The following ZBTB20 variants were observed in gnomAD, a reference collection of about 807,000 sequenced individuals.
ZBTB20 encodes the protein zinc finger and BTB domain-containing protein 20.
A neutral mutation model predicts 56.9 loss-of-function variants in ZBTB20; 9 were observed. The observed-to-expected ratio is 0.16, with a 90% CI of 0.10 to 0.28. The LOEUF is 0.28. ZBTB20 is among the 10% of genes least tolerant of loss of function. The pLI is 1.00. For missense variants in ZBTB20, 655 were observed against 1,003.0 expected (o/e 0.65, Z 4.69); for synonymous variants, 417 against 420.7 (o/e 0.99, Z 0.11).
At chr3:114,727,509 C>T (rs1460381804) in intron 5 of ZBTB20, among the ~76,000 whole-genome samples, 2 of 152,224 alleles carry the variant, frequency 1.3e-5, no homozygotes, top group African/African-American at 4.8e-5. Flanking sequence ...CCTTCTGCTT[C>T]AAAATCTTTC....
chr3:114,558,768 T>C (rs1166318098), intron 6 of ZBTB20, among the ~76,000 whole-genome samples: 1 of 152,134 alleles, frequency 6.6e-6, no homozygotes, highest in Non-Finnish European at 1.5e-5. Context: ...AACTTCTCAC[T>C]CTACAGCCTA....
chr3:114,400,337 T>A, intron 7 of ZBTB20, among the ~76,000 whole-genome samples: 1 of 152,224 alleles, frequency 6.6e-6, no homozygotes, highest in East Asian at 1.9e-4. Context: ...TTTGCCTATC[T>A]TATAAAGTTG....
At chr3:114,833,877 T>C (rs987439885) in intron 4 of ZBTB20, among the ~76,000 whole-genome samples, 1 of 151,996 alleles carries the variant, frequency 6.6e-6, no homozygotes, top group Admixed American at 6.6e-5. Context: ...TGCAAAATTT[T>C]AAAAATAAGG....
chr3:114,741,003 T>C (rs903027171), intron 5 of ZBTB20, among the ~76,000 whole-genome samples: 5 of 152,126 alleles, frequency 3.3e-5, no homozygotes, highest in African/African-American at 7.2e-5. Context: ...ACTGGTATCT[T>C]TGAGGTGAGG....
chr3:114,787,654 T>G (rs1342449042), intron 5 of ZBTB20, among the ~76,000 whole-genome samples: 1 of 151,910 alleles, frequency 6.6e-6, no homozygotes. Context: ...GCTTGTTACA[T>G]AAATCTATAT....
intron 4 of ZBTB20, among the ~76,000 whole-genome samples, chr3:114,879,023 G>A (rs2076300759): frequency 6.6e-6 from 1 of 152,194 alleles, no homozygotes; most frequent in East Asian, 1.9e-4. Flanking sequence ...GTATCTGGGT[G>A]CTGCAAATGG....
At chr3:114,470,697 A>G (rs943251641) in intron 7 of ZBTB20, among the ~76,000 whole-genome samples, 1 of 152,290 alleles carries the variant, frequency 6.6e-6, no homozygotes, top group Non-Finnish European at 1.5e-5. Flanking sequence ...TTTAAGTGGT[A>G]GAATTTGCAT....
chr3:114,525,034 A>T (rs936674037), intron 6 of ZBTB20, among the ~76,000 whole-genome samples: 1 of 149,292 alleles, frequency 6.7e-6, no homozygotes, highest in African/African-American at 2.5e-5. Flanking sequence ...AATACTCTCT[A>T]CTCTCCCCCT....
chr3:114,928,147 C>T (rs989173067), intron 3 of ZBTB20, among the ~76,000 whole-genome samples: 7 of 152,202 alleles, frequency 4.6e-5, no homozygotes, highest in African/African-American at 1.7e-4. Context: ...AACTACATAA[C>T]TTTATCCCTT....
chr3:114,544,012 T>A lies in ZBTB20; in HGVS notation c.-294-43621A>T, dbSNP rs146510121. On this transcript the variant is annotated intron_variant, in intron 6 of 11. Coordinates refer to ENST00000675478, the MANE Select transcript of ZBTB20 (RefSeq NM_001348800.3). ...AGATGATTTATTCCACAACTATTCA[T>A]TGAGCACCTACTATTCTCTGGCACT... is the stretch of plus-strand genomic sequence containing the variant. Among the ~76,000 whole-genome samples the A allele has an allele frequency of 5.7e-3, 863 of 152,306 alleles. 4 individuals carry two copies. Among genetic ancestry groups the A allele is most frequent in the Non-Finnish European group, 9.9e-3 (674 of 68,024 alleles).
At chr3:114,877,600 C>T (rs2076246391) in intron 4 of ZBTB20, among the ~76,000 whole-genome samples, 1 of 152,114 alleles carries the variant, frequency 6.6e-6, no homozygotes, top group African/African-American at 2.4e-5. Context: ...GGAAAGAAGC[C>T]AATCCCTTAG....
rs2079457364 is a variant in ZBTB20, at chr3:114,336,482, T to C, written c.*2523A>G. The C allele has an allele frequency of 6.6e-6, 1 of 152,164 alleles. No homozygotes were observed. The highest frequency in any genetic ancestry group is 6.5e-5 in the Admixed American group (1 of 15,278). 9.4% of individuals were successfully genotyped at this position (152,164 alleles called of 1,614,324 possible). A position where few individuals can be genotyped will look rare whatever the true frequency, so the allele number is the denominator to read the frequency against. On this transcript the variant is annotated 3_prime_UTR_variant, in exon 12 of 12. Coordinates refer to ENST00000675478, the MANE Select transcript of ZBTB20 (RefSeq NM_001348800.3). ...GACTCCTCTTAGAAATCACAATAGG[T>C]TACACTTAATAGTCAGTTAACCACC...
intron 10 of ZBTB20, among the ~76,000 whole-genome samples, chr3:114,353,798 C>T (rs1030938983): frequency 3.3e-5 from 5 of 152,172 alleles, no homozygotes; most frequent in Non-Finnish European, 5.9e-5. Flanking sequence ...TTTAATCTTA[C>T]AGCAACCATG....
chr3:114,771,506 C>T (rs985802221), intron 5 of ZBTB20, among the ~76,000 whole-genome samples: 9 of 152,208 alleles, frequency 5.9e-5, no homozygotes, highest in African/African-American at 2.2e-4. Context: ...AAAAATTTTA[C>T]TTCCTGTTTT....
At chr3:114,586,534 TGAGAA>T (rs1425640685) in intron 6 of ZBTB20, among the ~76,000 whole-genome samples, 1 of 152,242 alleles carries the variant, frequency 6.6e-6, no homozygotes, top group Non-Finnish European at 1.5e-5. Flanking sequence ...CTTTAGCTGT[TGAGAA>T]GAGAATTTCC....
intron 8 of ZBTB20, among the ~76,000 whole-genome samples, chr3:114,384,100 TTC>T (rs57746371): frequency 0.33 from 45,883 of 139,102 alleles, 7,237 homozygotes; most frequent in Non-Finnish European, 0.35. Context: ...TCAGTTCTCA[TTC>T]TCTCTCTCTC....
intron 7 of ZBTB20, among the ~76,000 whole-genome samples, chr3:114,471,517 T>A (rs2040125855): frequency 6.6e-6 from 1 of 152,178 alleles, no homozygotes; most frequent in East Asian, 1.9e-4. Context: ...AGGTGGTGGG[T>A]CCAGCAGGGT....
intron 7 of ZBTB20, among the ~76,000 whole-genome samples, chr3:114,451,995 A>G (rs1475408978): frequency 6.6e-6 from 1 of 152,008 alleles, no homozygotes. Flanking sequence ...GCTTTCAGTA[A>G]CAGCCTGTTA....
chr3:114,860,865 A>C (rs1442826482), intron 4 of ZBTB20, among the ~76,000 whole-genome samples: 1 of 152,242 alleles, frequency 6.6e-6, no homozygotes, highest in African/African-American at 2.4e-5. Context: ...GTTTCACTAA[A>C]ATCAAGAGTA....
Sources: allele counts gnomAD v4.1 joint callset (sites outside exome capture counted in the v4.1 genomes callset), GRCh38; gene constraint gnomAD v4.1.1; transcripts MANE v1.5; gene names NCBI Gene and HGNC (gene_info 2026-07-23, HGNC 2026-07-21).